The following PRKN variants were observed in gnomAD, a reference collection of about 807,000 sequenced individuals.
The protein encoded by PRKN is E3 ubiquitin-protein ligase parkin.
PRKN carries 56 observed loss-of-function variants against 59.5 expected under a neutral mutation model. The ratio of observed to expected loss-of-function variants is 0.94; its 90% confidence interval spans 0.76 to 1.18. PRKN has a LOEUF of 1.18. Among genes scored for constraint, PRKN ranks in the 50% most tolerant of loss-of-function variants. PRKN has a pLI of 0.00. For synonymous variants in PRKN, 250 were observed against 222.1 expected (o/e 1.13, Z -1.12); for missense variants, 657 against 596.4 (o/e 1.10, Z -1.06).
intron 3 of PRKN, among the ~76,000 whole-genome samples, chr6:162,253,152 C>T (rs1033390869): frequency 4.6e-5 from 7 of 152,058 alleles, no homozygotes; most frequent in South Asian, 4.1e-4. Context: ...AATTATTTGC[C>T]GTGGAGTCCA....
At chr6:162,412,100 A>G (rs951939298) in intron 2 of PRKN, among the ~76,000 whole-genome samples, 2 of 152,190 alleles carry the variant, frequency 1.3e-5, no homozygotes, top group African/African-American at 2.4e-5. Flanking sequence ...TTTACTTAAA[A>G]ACAGAATAGT....
intron 9 of PRKN, among the ~76,000 whole-genome samples, chr6:161,510,379 C>T (rs1486420160): frequency 6.6e-6 from 1 of 151,946 alleles, no homozygotes; most frequent in Non-Finnish European, 1.5e-5. Context: ...AGTGAGGCAT[C>T]GTGAAGTGTG....
chr6:162,528,789 T>G lies in PRKN; in HGVS notation c.8-85316A>C, dbSNP rs149556421. Among the ~76,000 whole-genome samples, 248 of 148,220 alleles carry G rather than the reference T, an allele frequency of 1.7e-3. 3 individuals are homozygous for G. The highest frequency in any genetic ancestry group is 5.5e-3 in the African/African-American group (227 of 41,208). On this transcript the variant is annotated intron_variant, in intron 1 of 11. Transcript: ENST00000366898. The stretch of plus-strand genomic sequence containing the variant: ...CTCCAGCCTGGATGACAGAGTGAGA[T>G]CCTGTCTCTAATTAAAACAAAACAA...
intron 3 of PRKN, among the ~76,000 whole-genome samples, chr6:162,246,548 T>C (rs9365392): frequency 0.063 from 9,629 of 152,268 alleles, 484 homozygotes; most frequent in African/African-American, 0.13. Flanking sequence ...TCTCCTCTTA[T>C]AGAAACTGCT....
intron 2 of PRKN, among the ~76,000 whole-genome samples, chr6:162,439,340 TTCTCTCTCTC>T (rs35631679): frequency 3.6e-4 from 49 of 134,860 alleles, no homozygotes; most frequent in African/African-American, 1.3e-3. Flanking sequence ...TACCCCTCCC[TTCTCTCTCTC>T]TCTCTCTCTC....
chr6:161,583,555 A>G (rs1781421343), intron 7 of PRKN, among the ~76,000 whole-genome samples: 1 of 151,982 alleles, frequency 6.6e-6, no homozygotes, highest in Non-Finnish European at 1.5e-5. Context: ...CTTTGTTTTC[A>G]TTGCCATTAT....
chr6:161,980,225 C>T (rs777114412), intron 5 of PRKN, among the ~76,000 whole-genome samples: 6 of 152,004 alleles, frequency 3.9e-5, no homozygotes, highest in African/African-American at 1.2e-4. Context: ...GTTTTCCAAA[C>T]GAAATATTGT....
rs914366539 is a variant in PRKN at position 162,010,023 on chromosome 6, C to A, written c.619-36606G>T. ...AACATCTGCATGCTAACTTCACCTA[C>A]GCTTGGAGTTACTATTTAATGAAAC... On this transcript the variant is annotated intron_variant, in intron 5 of 11. Coordinates refer to ENST00000366898, the MANE Select transcript of PRKN (RefSeq NM_004562.3). 1.6e-4 allele frequency among the ~76,000 whole-genome samples: 24 copies of A among 151,140 alleles called. 1 individual carries two copies. Among genetic ancestry groups the A allele is most frequent in the Admixed American group, 3.3e-4 (5 of 15,054 alleles).
chr6:161,766,035 A>C (rs184451696), intron 7 of PRKN, among the ~76,000 whole-genome samples: 17 of 152,274 alleles, frequency 1.1e-4, no homozygotes, highest in Admixed American at 9.2e-4. Context: ...AATATTAATA[A>C]ACTAGTTTCC....
At chr6:161,886,756 A>AAAT (rs1554241163) in intron 6 of PRKN, among the ~76,000 whole-genome samples, 5 of 146,358 alleles carry the variant, frequency 3.4e-5, no homozygotes, top group African/African-American at 5.0e-5. Context: ...TAAAATAAAA[A>AAAT]AAAATAAAAT....
chr6:162,079,995 T>C (rs2128293316), intron 4 of PRKN, among the ~76,000 whole-genome samples: 1 of 152,206 alleles, frequency 6.6e-6, no homozygotes, highest in South Asian at 2.1e-4. Context: ...GGTTGACACA[T>C]TTTGCTTTCC....
At position 162,633,311 on chromosome 6, in the gene PRKN, T is replaced by G. The variant is rs36114508; in HGVS notation, c.7+94351A>C. Among the ~76,000 whole-genome samples the G allele has an allele frequency of 3.3e-3, 504 of 151,264 alleles. 1 individual carries two copies. Among genetic ancestry groups the G allele is most frequent in the Non-Finnish European group, 5.2e-3 (350 of 67,880 alleles). On this transcript the variant is annotated intron_variant, in intron 1 of 11. Transcript: ENST00000366898. ...TTAGCCAGGCATGGTGGTAGGTGCCTGTAAGCCCAGTTATTTGGGAGGCTG... is the reference window on the plus strand; with the variant it reads ...TTAGCCAGGCATGGTGGTAGGTGCCGGTAAGCCCAGTTATTTGGGAGGCTG...
At chr6:162,533,279 T>C (rs922073862) in intron 1 of PRKN, among the ~76,000 whole-genome samples, 4 of 152,194 alleles carry the variant, frequency 2.6e-5, no homozygotes, top group Non-Finnish European at 5.9e-5. Flanking sequence ...ATCCCAGCAC[T>C]TTGGGAGGCC....
At chr6:162,674,813 T>C (rs1779473682) in intron 1 of PRKN, among the ~76,000 whole-genome samples, 1 of 151,834 alleles carries the variant, frequency 6.6e-6, no homozygotes, top group Admixed American at 6.6e-5. Flanking sequence ...AGGTAATAAA[T>C]AATACAGACT....
intron 9 of PRKN, among the ~76,000 whole-genome samples, chr6:161,465,646 C>A (rs920174564): frequency 1.3e-5 from 2 of 152,130 alleles, no homozygotes; most frequent in African/African-American, 4.8e-5. Flanking sequence ...ACATTATCTC[C>A]TTATCTTGTG....
chr6:162,721,158 T>C (rs1438764222), intron 1 of PRKN, among the ~76,000 whole-genome samples: 1 of 152,196 alleles, frequency 6.6e-6, no homozygotes, highest in Non-Finnish European at 1.5e-5. Flanking sequence ...TGTCCTCTAT[T>C]AAACATTATC....
intron 5 of PRKN, among the ~76,000 whole-genome samples, chr6:161,981,207 A>G (rs985208501): frequency 1.4e-4 from 22 of 151,836 alleles, no homozygotes; most frequent in African/African-American, 4.8e-4. Context: ...TCCTGTTTGT[A>G]GCTAACAGCA....
intron 5 of PRKN, among the ~76,000 whole-genome samples, chr6:162,000,448 A>G (rs1183196975): frequency 6.6e-6 from 1 of 152,036 alleles, no homozygotes; most frequent in African/African-American, 2.4e-5. Context: ...CCATGTTTAT[A>G]TCTTCCTTGA....
intron 6 of PRKN, among the ~76,000 whole-genome samples, chr6:161,934,564 G>C (rs1379405774): frequency 1.3e-5 from 2 of 152,186 alleles, no homozygotes; most frequent in African/African-American, 4.8e-5. Flanking sequence ...GAGATTCTGT[G>C]TCTCATCAGA....
Sources: gnomAD v4.1 joint callset for allele counts (sites outside exome capture counted in the v4.1 genomes callset) on GRCh38, gnomAD v4.1.1 for gene constraint, MANE v1.5 for transcripts, NCBI Gene and HGNC (gene_info 2026-07-23, HGNC 2026-07-21) for gene names.